The following NCAPD2 variants were observed in gnomAD, a reference collection of about 807,000 sequenced individuals.
The protein encoded by NCAPD2 is condensin complex subunit 1.
NCAPD2 carries 100 observed loss-of-function variants against 164.5 expected under a neutral mutation model. The ratio of observed to expected loss-of-function variants is 0.61; its 90% CI spans 0.52 to 0.72. The LOEUF (loss-of-function observed/expected upper bound fraction) is 0.72, where lower values mean the gene tolerates loss of function less well. Ranked by LOEUF, NCAPD2 falls within the 30% of genes least tolerant of loss-of-function variation. The pLI is 0.00. For missense variants in NCAPD2, 1,560 were observed against 1,749.2 expected, an observed-to-expected ratio of 0.89 and a Z score of 1.93; for synonymous variants, 585 against 642.6, an observed-to-expected ratio of 0.91 and a Z score of 1.36.
Position 6,514,892 on chromosome 12 carries a change from G to A in NCAPD2, c.959G>A (p.Cys320Tyr), listed in dbSNP as rs758323988. The change falls in exon 9 of 32, where the codon TGC becomes TAC. Residue 320 changes from cysteine (C) to tyrosine (Y), a missense_variant. Coordinates refer to ENST00000315579, the MANE Select transcript of NCAPD2 (RefSeq NM_014865.4). ...CCAGCTATCCTGATGTCCAGCATGT[G>A]CATTTTGCTAGATCACCTGGATGGA... The part of the protein sequence containing the change: ...RVPAILMSSM[C>Y]ILLDHLDGEN... 2 of 1,614,204 alleles carry A rather than the reference G, an allele frequency of 1.2e-6. No individual in the cohort carries two copies. The highest frequency in any genetic ancestry group is 1.1e-5 in the South Asian group (1 of 91,078).
chr12:6,525,717 G>A lies in NCAPD2; in HGVS notation c.2348+1G>A, dbSNP rs747205373. 4 of 1,612,906 alleles carry A rather than the reference G, an allele frequency of 2.5e-6. No individual in the cohort carries two copies. The African/African-American group carries it at 4.0e-5, about 16-fold the overall frequency. ...TCATGCTTCTTGGCATGATGGCACG[G>A]TGAGGCTCAAATCTAGCAGGCAATG... On this transcript the variant is annotated splice_donor_variant, in intron 18 of 31. Transcript: ENST00000315579. LOFTEE classifies it high-confidence loss of function.
chr12:6,513,715 C>CTTTTTTTTTTTTTCTTTTT (rs1946172373), intron 6 of NCAPD2, among the ~76,000 whole-genome samples: 1 of 74,894 alleles, frequency 1.3e-5, no homozygotes, highest in Non-Finnish European at 2.5e-5. Context: ...GTGACTTTGT[C>CTTTTTTTTTTTTTCTTTTT]TTTTTTTTTT....
At chr12:6,501,143 C>G (rs1946031129) in intron 2 of NCAPD2, among the ~76,000 whole-genome samples, 1 of 150,318 alleles carries the variant, frequency 6.7e-6, no homozygotes, top group African/African-American at 2.4e-5. Flanking sequence ...TCGCTGCAAC[C>G]TCTGCCTCCC....
chr12:6,499,232 A>C (rs995488650), intron 2 of NCAPD2, among the ~76,000 whole-genome samples: 1 of 151,900 alleles, frequency 6.6e-6, no homozygotes, highest in East Asian at 1.9e-4. Context: ...TTTTTTTAAG[A>C]TAAGGGTCTT....
In NCAPD2 at chr12:6,531,876, C is replaced by T; in HGVS notation, c.*464C>T. On this transcript the variant is annotated 3_prime_UTR_variant, in exon 32 of 32. Coordinates refer to ENST00000315579, the MANE Select transcript of NCAPD2 (RefSeq NM_014865.4). The surrounding 1 kb of genome is among the most constrained non-coding windows in gnomAD (Gnocchi z 4.1). Reference sequence around the variant, plus strand: ...CTCTTAAATTAGCCTAACTGAACTGCGTTGAGCTGCTTCAACTTTGGAATA... The same window carrying T: ...CTCTTAAATTAGCCTAACTGAACTGTGTTGAGCTGCTTCAACTTTGGAATA... 5.5e-6 allele frequency: 1 copy of T among 180,764 alleles called. No individual in the cohort carries two copies. Among genetic ancestry groups the T allele is most frequent in the South Asian group, 9.5e-5 (1 of 10,516 alleles). 11.2% of individuals were successfully genotyped at this position (180,764 alleles called of 1,614,324 possible). A position where few individuals can be genotyped will look rare whatever the true frequency, so the allele number is the denominator to read the frequency against.
intron 13 of NCAPD2, among the ~76,000 whole-genome samples, chr12:6,518,504 GTTTTTTTTTTTTTTTT>G (rs56183938): frequency 1.6e-4 from 7 of 44,774 alleles, no homozygotes; most frequent in African/African-American, 2.0e-4. Flanking sequence ...CCGTCAACAA[GTTTTTTTTTTTTTTTT>G]TTTTTTTTTT....
chr12:6,527,753 G>A, intron 22 of NCAPD2, 24 bp from the exon 23 acceptor site: 2 of 1,590,686 alleles, frequency 1.3e-6, no homozygotes, highest in Non-Finnish European at 1.7e-6. Flanking sequence ...GCTTATCCAT[G>A]ATCCCCAATT....
intron 18 of NCAPD2, 54 bp downstream of exon 18, chr12:6,525,770 G>A: frequency 1.3e-6 from 2 of 1,592,862 alleles, no homozygotes; most frequent in East Asian, 2.3e-5. Flanking sequence ...AAGGTTCTGA[G>A]AGGGCTCCTT....
At chr12:6,499,445 T>C (rs928386341) in intron 2 of NCAPD2, among the ~76,000 whole-genome samples, 42 of 152,232 alleles carry the variant, frequency 2.8e-4, no homozygotes, top group African/African-American at 1.0e-3. Context: ...TGGAGTGCAG[T>C]GGCAAGGTAT....
intron 9 of NCAPD2, among the ~76,000 whole-genome samples, chr12:6,516,575 A>G (rs963387807): frequency 6.6e-6 from 1 of 152,180 alleles, no homozygotes; most frequent in African/African-American, 2.4e-5. Context: ...ATGCTTTTCA[A>G]ATGTGTGTTG....
rs1946277410 is a variant in NCAPD2 at position 6,522,872 on chromosome 12, G to A, written c.1999G>A (p.Gly667Arg). 2 of 1,614,004 alleles carry A rather than the reference G, an allele frequency of 1.2e-6. No homozygotes were observed. The highest frequency in any genetic ancestry group is 1.6e-4 in the Middle Eastern group (1 of 6,084). ...IEFFVMVFQF[G>R]VPQALFGVRR... is the part of the protein sequence containing the mutation. ...ATTCTTTGTGATGGTCTTCCAATTTGGGGTACCCCAGGCCCTGTTTGGGGT... is the reference window on the plus strand; with the variant it reads ...ATTCTTTGTGATGGTCTTCCAATTTAGGGTACCCCAGGCCCTGTTTGGGGT... The change falls in exon 16 of 32, where the codon GGG (glycine) becomes AGG (arginine). Residue 667 changes from glycine (G) to arginine (R), a missense_variant. Coordinates refer to ENST00000315579, the MANE Select transcript of NCAPD2 (RefSeq NM_014865.4).
chr12:6,516,514 A>ACAAC (rs1020158594), intron 9 of NCAPD2, among the ~76,000 whole-genome samples: 18 of 152,306 alleles, frequency 1.2e-4, no homozygotes, highest in African/African-American at 4.1e-4. Flanking sequence ...AAACAAACAA[A>ACAAC]CAACCACAAT....
intron 2 of NCAPD2, among the ~76,000 whole-genome samples, chr12:6,506,998 C>T (rs756520818): frequency 3.9e-5 from 6 of 152,204 alleles, no homozygotes; most frequent in African/African-American, 7.2e-5. Flanking sequence ...GGCAGTAATA[C>T]TCTAATAGAA....
chr12:6,528,617 C>A lies in NCAPD2; in HGVS notation c.3300-62C>A. Reference sequence around the variant, plus strand: ...AATTGATTCCTGCTGAGGGCCTTTTCTACCAGTGTTAGGGTGTAGCCCGGA... The same window carrying A: ...AATTGATTCCTGCTGAGGGCCTTTTATACCAGTGTTAGGGTGTAGCCCGGA... On this transcript the variant is annotated intron_variant, in intron 25 of 31. Transcript: ENST00000315579. The surrounding 1 kb of genome is among the most constrained non-coding windows in gnomAD (Gnocchi z 5.1). The A allele has an allele frequency of 6.5e-7, 1 of 1,533,986 alleles. No individual in the cohort carries two copies. The highest frequency in any genetic ancestry group is 8.9e-7 in the Non-Finnish European group (1 of 1,124,310).
Position 6,509,700 on chromosome 12 carries a change from T to G in NCAPD2, c.128-17T>G, listed in dbSNP as rs758179205. ...TTCTCTTCCCTCCAAATTGATTTGT[T>G]TTTTCCATCTTCATAGCTTTTCAGG... On this transcript the variant is annotated splice_polypyrimidine_tract_variant and intron_variant, in intron 2 of 31. Transcript: ENST00000315579. 1.2e-6 allele frequency: 2 copies of G among 1,613,212 alleles called. No individual in the cohort carries two copies. Among genetic ancestry groups the G allele is most frequent in the Non-Finnish European group, 1.7e-6 (2 of 1,179,420 alleles).
chr12:6,514,179 A>G, intron 6 of NCAPD2, 86 bp from the exon 7 acceptor site: 2 of 1,555,182 alleles, frequency 1.3e-6, no homozygotes, highest in Non-Finnish European at 1.8e-6. Context: ...CTTTGGGAGC[A>G]GTAGGGATAG....
Position 6,523,286 on chromosome 12 carries a change from G to C in NCAPD2, c.2154G>C (p.Gln718His). ...SARAKAQALIQNLSLLLVDAS... is the reference protein window; with the variant it reads ...SARAKAQALIHNLSLLLVDAS... ...GAGCCAAGGCCCAGGCTTTGATTCA[G>C]AATCTCTCTCTGCTGCTAGTGGATG... The change falls in exon 17 of 32, where the codon CAG (glutamine) becomes CAC (histidine). Residue 718 changes from glutamine (Q) to histidine (H), a missense_variant. By Grantham distance (24) the Gln-to-His change is conservative (BLOSUM62 0). Coordinates refer to ENST00000315579, the MANE Select transcript of NCAPD2 (RefSeq NM_014865.4). The C allele has an allele frequency of 6.2e-7, 1 of 1,614,114 alleles. No homozygotes were observed. Among genetic ancestry groups the C allele is most frequent in the Non-Finnish European group, 8.5e-7 (1 of 1,180,008 alleles).
intron 4 of NCAPD2, 82 bp from the exon 5 acceptor site, chr12:6,510,547 T>C (rs765144967): frequency 1.4e-6 from 2 of 1,463,366 alleles, no homozygotes; most frequent in Non-Finnish European, 1.9e-6. Flanking sequence ...GGTAATCTGA[T>C]GGCTGCAAGT....
At chr12:6,524,678 A>G (rs1022908550) in intron 17 of NCAPD2, among the ~76,000 whole-genome samples, 3 of 151,748 alleles carry the variant, frequency 2.0e-5, no homozygotes, top group African/African-American at 7.3e-5. Context: ...AAAATCTGGA[A>G]AAGATAATAA....
Sources: allele counts gnomAD v4.1 joint callset (sites outside exome capture counted in the v4.1 genomes callset), GRCh38; gene constraint gnomAD v4.1.1; non-coding constraint Gnocchi (gnomAD v3.1); transcripts MANE v1.5; gene names NCBI Gene and HGNC (gene_info 2026-07-23, HGNC 2026-07-21).